Variants in PRPSAP2 observed in about 807,000 individuals in gnomAD.
PRPSAP2 encodes the protein phosphoribosyl pyrophosphate synthetase associated protein 2.
Under a neutral mutation model 40.6 loss-of-function variants are expected in PRPSAP2, and 24 were observed. The observed-to-expected ratio is 0.59, with a 90% CI of 0.43 to 0.83. The LOEUF (loss-of-function observed/expected upper bound fraction) is 0.83. Among genes scored for constraint, PRPSAP2 ranks in the 40% least tolerant of loss-of-function variants. The pLI is 0.00. For missense variants in PRPSAP2, 292 were observed against 465.6 expected (o/e 0.63, Z 3.43); for synonymous variants, 149 against 164.7 (o/e 0.90, Z 0.73).
At chr17:18,895,699 C>T (rs7214031) in intron 8 of PRPSAP2, among the ~76,000 whole-genome samples, 6,515 of 152,058 alleles carry the variant, frequency 0.043, 438 homozygotes, top group African/African-American at 0.14. Flanking sequence ...GATCTCAGCT[C>T]ACTGTGACCT....
At chr17:18,906,360 C>T (rs767473375) in intron 8 of PRPSAP2, among the ~76,000 whole-genome samples, 17 of 152,122 alleles carry the variant, frequency 1.1e-4, no homozygotes, top group Non-Finnish European at 1.5e-4. Context: ...GGACTACAGG[C>T]GCGTGCTACC....
chr17:18,865,803 C>T lies in PRPSAP2; in HGVS notation c.-31C>T. The T allele has an allele frequency of 6.9e-7, 1 of 1,440,680 alleles. No individual in the cohort carries two copies. Among genetic ancestry groups the T allele is most frequent in the East Asian group, 2.5e-5 (1 of 39,380 alleles). 89.2% of individuals were successfully genotyped at this position (1,440,680 alleles called of 1,614,324 possible). A position where few individuals can be genotyped will look rare whatever the true frequency, so the allele number is the denominator to read the frequency against. ...TTAATAAGTATTATATCCTTCTAGGCTCTGAAAATTGGAAAACCAAGAAGG... is the reference window on the plus strand; with the variant it reads ...TTAATAAGTATTATATCCTTCTAGGTTCTGAAAATTGGAAAACCAAGAAGG... On this transcript the variant is annotated splice_region_variant and 5_prime_UTR_variant, in exon 3 of 12. Coordinates refer to ENST00000268835, the MANE Select transcript of PRPSAP2 (RefSeq NM_002767.4).
chr17:18,891,377 C>A (rs1259486629), intron 8 of PRPSAP2, among the ~76,000 whole-genome samples: 1 of 152,170 alleles, frequency 6.6e-6, no homozygotes, highest in Non-Finnish European at 1.5e-5. Flanking sequence ...CTGACTTTCC[C>A]AACCCAGCCG....
Position 18,930,797 on chromosome 17 carries a change from T to C in PRPSAP2, c.*99T>C. Reference sequence around the variant, plus strand: ...AGGAACCGTCATGCTTGTTCCTCCCTCTCCCCTGTAACCTCACTTCTTATT... The same window carrying C: ...AGGAACCGTCATGCTTGTTCCTCCCCCTCCCCTGTAACCTCACTTCTTATT... On this transcript the variant is annotated 3_prime_UTR_variant, in exon 12 of 12. Coordinates refer to ENST00000268835, the MANE Select transcript of PRPSAP2 (RefSeq NM_002767.4). 1.8e-6 allele frequency: 2 copies of C among 1,111,518 alleles called. No homozygotes were observed. Among genetic ancestry groups the C allele is most frequent in the South Asian group, 2.1e-5 (1 of 46,914 alleles). 68.9% of individuals were successfully genotyped at this position (1,111,518 alleles called of 1,614,324 possible).
At chr17:18,873,824 G>C (rs1183948594) in intron 5 of PRPSAP2, among the ~76,000 whole-genome samples, 1 of 152,116 alleles carries the variant, frequency 6.6e-6, no homozygotes, top group Non-Finnish European at 1.5e-5. Context: ...TTTAAGCTAG[G>C]TATAGAAGAT....
At chr17:18,910,961 C>T (rs1203389552) in intron 8 of PRPSAP2, 142 bp from the exon 9 acceptor site, 3 of 1,017,386 alleles carry the variant, frequency 2.9e-6, no homozygotes, top group African/African-American at 3.2e-5. Context: ...TTCTAAGAGT[C>T]TAAGGCTGTT....
intron 7 of PRPSAP2, among the ~76,000 whole-genome samples, chr17:18,886,926 C>CTTCTTTTTT (rs2039190891): frequency 9.6e-6 from 1 of 103,712 alleles, no homozygotes. Flanking sequence ...TTTTTCTTTT[C>CTTCTTTTTT]TTCTTTTTTT....
intron 4 of PRPSAP2, among the ~76,000 whole-genome samples, chr17:18,871,499 G>C (rs1567676310): frequency 6.6e-6 from 1 of 152,006 alleles, no homozygotes; most frequent in African/African-American, 2.4e-5. Flanking sequence ...TCCCATTATG[G>C]ATTTGTCTAA....
chr17:18,908,781 G>A (rs1186331069), intron 8 of PRPSAP2: 6 of 695,538 alleles, frequency 8.6e-6, no homozygotes, highest in South Asian at 1.4e-5. Flanking sequence ...GGGCAAAAAC[G>A]ATCATGCCAA....
intron 10 of PRPSAP2, among the ~76,000 whole-genome samples, chr17:18,925,971 G>A (rs962132326): frequency 1.3e-5 from 2 of 152,014 alleles, no homozygotes; most frequent in African/African-American, 4.8e-5. Context: ...CGGGCGTAGT[G>A]GTGGGCTCCT....
chr17:18,916,054 G>C (rs1460919591), intron 9 of PRPSAP2, among the ~76,000 whole-genome samples: 1 of 151,900 alleles, frequency 6.6e-6, no homozygotes, highest in East Asian at 1.9e-4. Flanking sequence ...CTGAGCTCAG[G>C]CAATCTGCCT....
At chr17:18,872,488 T>C in intron 4 of PRPSAP2, 95 bp from the exon 5 acceptor site, 2 of 925,542 alleles carry the variant, frequency 2.2e-6, no homozygotes, top group Non-Finnish European at 3.4e-6. Context: ...GTTGCCATAT[T>C]CTATTACATT....
chr17:18,866,633 T>C (rs2037453825), intron 3 of PRPSAP2, among the ~76,000 whole-genome samples: 1 of 152,188 alleles, frequency 6.6e-6, no homozygotes, highest in Non-Finnish European at 1.5e-5. Flanking sequence ...TAGATATTTA[T>C]TAAACAAATA....
intron 4 of PRPSAP2, among the ~76,000 whole-genome samples, chr17:18,872,083 A>T (rs1205482403): frequency 1.3e-5 from 2 of 152,062 alleles, no homozygotes; most frequent in Non-Finnish European, 2.9e-5. Flanking sequence ...ATCCTGGCTA[A>T]CATGGTGAAA....
At chr17:18,902,766 G>A (rs1428507503) in intron 8 of PRPSAP2, among the ~76,000 whole-genome samples, 2 of 151,718 alleles carry the variant, frequency 1.3e-5, no homozygotes, top group Non-Finnish European at 2.9e-5. Flanking sequence ...CTACTTGGGA[G>A]GCTGAGGCAG....
At chr17:18,905,350 T>C (rs941064975) in intron 8 of PRPSAP2, among the ~76,000 whole-genome samples, 13 of 151,976 alleles carry the variant, frequency 8.6e-5, no homozygotes, top group African/African-American at 3.1e-4. Context: ...CTTAAGAGCA[T>C]TGTGCTTTGT....
chr17:18,927,394 T>C (rs1034807094), intron 10 of PRPSAP2, among the ~76,000 whole-genome samples: 7 of 152,222 alleles, frequency 4.6e-5, no homozygotes, highest in African/African-American at 1.4e-4. Context: ...GTCATATAAA[T>C]GGAATCTATG....
intron 5 of PRPSAP2, among the ~76,000 whole-genome samples, chr17:18,877,013 G>A (rs1001831854): frequency 6.6e-6 from 1 of 152,128 alleles, no homozygotes. Flanking sequence ...GGACGAGAGG[G>A]AACAGAAAGA....
intron 3 of PRPSAP2, among the ~76,000 whole-genome samples, chr17:18,866,425 G>A (rs1270111829): frequency 1.3e-5 from 2 of 152,082 alleles, no homozygotes; most frequent in Admixed American, 6.6e-5. Context: ...TTAGTTGGGC[G>A]TGGTGGCGGG....
Sources: gnomAD v4.1 joint callset for allele counts (sites outside exome capture counted in the v4.1 genomes callset) on GRCh38, gnomAD v4.1.1 for gene constraint, MANE v1.5 for transcripts, NCBI Gene and HGNC (gene_info 2026-07-23, HGNC 2026-07-21) for gene names.